CCDC27: variants seen among roughly 807,000 people sequenced by gnomAD.
CCDC27 encodes coiled-coil domain containing 27, also known as coiled-coil domain-containing protein 27.
CCDC27 carries 80 observed loss-of-function variants against 80.3 expected under a neutral mutation model. The observed-to-expected ratio is 1.00, with a 90% confidence interval of 0.83 to 1.20. The LOEUF (loss-of-function observed/expected upper bound fraction) is 1.20, where lower values mean the gene tolerates loss of function less well. Ranked by LOEUF, CCDC27 falls within the 50% of genes most tolerant of loss-of-function variation. The pLI is 0.00. For synonymous variants in CCDC27, 342 were observed against 334.3 expected (o/e 1.02, Z -0.25); for missense variants, 815 against 809.4 (o/e 1.01, Z -0.08).
At chr1:3,753,999 C>T in intron 1 of CCDC27, 119 bp from the exon 2 acceptor site, 2 of 1,454,198 alleles carry the variant, frequency 1.4e-6, no homozygotes, top group Non-Finnish European at 1.9e-6. Context: ...ACATACGACT[C>T]ATAGGCACCT....
rs1378592255 is a variant in CCDC27, at chr1:3,763,429, C to T, written c.1276C>T (p.Gln426Ter). ...GTACGAGCAGGTCATCCTGGACTTC[C>T]AGTTCAACCTGGAGGCCACCAGGAC... Reference protein sequence around the residue: ...EEYEQVILDFQFNLEATRTRY... With the variant: ...EEYEQVILDF Residue 426 changes from glutamine to a stop codon, truncating the protein, a stop_gained, in exon 7 of 12, where the codon CAG becomes TAG. Transcript: ENST00000294600. LOFTEE classifies it high-confidence loss of function. The surrounding 1 kb of genome is among the most constrained non-coding windows in gnomAD (Gnocchi z 7.5). 20 of 1,611,396 alleles carry T rather than the reference C, an allele frequency of 1.2e-5. No homozygotes were observed. The highest frequency in any genetic ancestry group is 1.7e-5 in the Non-Finnish European group (20 of 1,179,332).
chr1:3,763,294 G>T lies in CCDC27; in HGVS notation c.1141G>T (p.Asp381Tyr), dbSNP rs1362213589. ...GGAGGAAGAGGAGGAAGGGGACAGG[G>T]ATGAGGACTCAGAGGAAAGGGAGCT... The part of the protein sequence containing the change: ...EEEEEEEGDR[D>Y]EDSEERELPE... Residue 381 changes from aspartate (D) to tyrosine (Y), a missense_variant, in exon 7 of 12, where the codon GAT becomes TAT. Transcript: ENST00000294600. This position sits in a 1 kb window ranked among gnomAD's most constrained non-coding sequence, Gnocchi z 7.5. The T allele has an allele frequency of 1.2e-6, 2 of 1,602,846 alleles. No homozygotes were observed. Among genetic ancestry groups the T allele is most frequent in the Non-Finnish European group, 1.7e-6 (2 of 1,174,362 alleles).
chr1:3,763,921 G>A lies in CCDC27; in HGVS notation c.1452+85G>A, dbSNP rs1467621157. On this transcript the variant is annotated intron_variant, in intron 8 of 11. Coordinates refer to ENST00000294600, the MANE Select transcript of CCDC27 (RefSeq NM_152492.3). This position sits in a 1 kb window ranked among gnomAD's most constrained non-coding sequence, Gnocchi z 7.5. ...CCCCCGGCAGCTCGGGGCAGGCGCTGCCCGTCCCATCTACTGATGGAGACT... is the reference window on the plus strand; with the variant it reads ...CCCCCGGCAGCTCGGGGCAGGCGCTACCCGTCCCATCTACTGATGGAGACT... The A allele has an allele frequency of 9.1e-6, 14 of 1,531,270 alleles. No homozygotes were observed. The highest frequency in any genetic ancestry group is 1.4e-5 in the African/African-American group (1 of 72,764). The allele number at this position is 1,531,270 out of a possible 1,614,324, so 94.9% of individuals were successfully genotyped here. A position where few individuals can be genotyped will look rare whatever the true frequency, so the allele number is the denominator to read the frequency against.
chr1:3,755,943 T>G (rs1642941936), intron 3 of CCDC27: 1 of 218,568 alleles, frequency 4.6e-6, no homozygotes, highest in African/African-American at 2.2e-5. Flanking sequence ...CCCAGCACCA[T>G]GTCTCCTTTC....
At chr1:3,753,289 C>G (rs1172069909) in intron 1 of CCDC27, among the ~76,000 whole-genome samples, 2 of 151,532 alleles carry the variant, frequency 1.3e-5, no homozygotes, top group Admixed American at 1.3e-4. Flanking sequence ...TTGCCTGGAC[C>G]TAGTGGACTA....
chr1:3,752,463 T>C lies in CCDC27; in HGVS notation c.-19T>C, dbSNP rs1160029068. The C allele has an allele frequency of 6.2e-7, 1 of 1,611,708 alleles. No individual in the cohort carries two copies. Among genetic ancestry groups the C allele is most frequent in the Admixed American group, 1.7e-5 (1 of 59,984 alleles). On this transcript the variant is annotated 5_prime_UTR_variant, in exon 1 of 12. Transcript: ENST00000294600. ...GCTCTGGAAGCTGATCTCCTCCCACTGCACCAGCCAGCAGGTTCATGTTCG... is the reference window on the plus strand; with the variant it reads ...GCTCTGGAAGCTGATCTCCTCCCACCGCACCAGCCAGCAGGTTCATGTTCG...
Position 3,757,514 on chromosome 1 carries a change from C to T in CCDC27, c.711+624C>T, listed in dbSNP as rs1642986416. 2.0e-5 allele frequency among the ~76,000 whole-genome samples: 3 copies of T among 151,902 alleles called. No individual in the cohort carries two copies. The South Asian group carries it at 6.2e-4, about 32-fold the overall frequency. The stretch of plus-strand genomic sequence containing the variant: ...GGAGTGTGGTGGTGTGATCCCAGCT[C>T]ACTGAAGCCTTGAGCTCCCTGAGCT... On this transcript the variant is annotated intron_variant, in intron 4 of 11. Coordinates refer to ENST00000294600, the MANE Select transcript of CCDC27 (RefSeq NM_152492.3).
At chr1:3,764,353 C>T (rs982529877) in intron 8 of CCDC27, among the ~76,000 whole-genome samples, 3 of 152,208 alleles carry the variant, frequency 2.0e-5, no homozygotes, top group African/African-American at 7.2e-5. Context: ...TCTCCTAAGG[C>T]ATCATTTTAA....
Position 3,756,937 on chromosome 1 carries a change from GCGTC to G in CCDC27, c.711+50_711+53del, listed in dbSNP as rs757930192. On this transcript the variant is annotated intron_variant, in intron 4 of 11. Coordinates refer to ENST00000294600, the MANE Select transcript of CCDC27 (RefSeq NM_152492.3). ...ATCCCGGCCCCCCACCCCTCTCTCT[GCGTC>G]CGGCTGGGAGGACAGCCCTGCTCCC... The G allele has an allele frequency of 9.5e-6, 15 of 1,575,404 alleles. No homozygotes were observed. The African/African-American group carries it at 2.0e-4, about 21-fold the overall frequency.
Position 3,763,500 on chromosome 1 carries a change from G to T in CCDC27, c.1321+26G>T. ...GTAGGGCCTCGGCGGGGGGCACTGG[G>T]CTTTGGCCACTCAGTGGTTCCCGGC... On this transcript the variant is annotated intron_variant, in intron 7 of 11. Coordinates refer to ENST00000294600, the MANE Select transcript of CCDC27 (RefSeq NM_152492.3). This position sits in a 1 kb window ranked among gnomAD's most constrained non-coding sequence, Gnocchi z 7.5. 4.5e-6 allele frequency: 7 copies of T among 1,566,070 alleles called. No homozygotes were observed. Among genetic ancestry groups the T allele is most frequent in the African/African-American group, 1.4e-5 (1 of 73,890 alleles).
Position 3,760,407 on chromosome 1 carries a change from A to G in CCDC27, c.712-874A>G, listed in dbSNP as rs981824174. The stretch of plus-strand genomic sequence containing the variant: ...CACCTATCTTTATTCCTTTTCTTCT[A>G]CTTTCTGCGGGATTAATTTTAGTTC... On this transcript the variant is annotated intron_variant, in intron 4 of 11. Transcript: ENST00000294600. This position sits in a 1 kb window ranked among gnomAD's most constrained non-coding sequence, Gnocchi z 4.3. Among the ~76,000 whole-genome samples, 7 of 151,338 alleles carry G rather than the reference A, an allele frequency of 4.6e-5. No homozygotes were observed. The highest frequency in any genetic ancestry group is 1.3e-4 in the Admixed American group (2 of 15,186).
chr1:3,763,992 A>G lies in CCDC27; in HGVS notation c.1452+156A>G, dbSNP rs1264239956. Among the ~76,000 whole-genome samples the G allele has an allele frequency of 6.6e-6, 1 of 152,184 alleles. No individual in the cohort carries two copies. The highest frequency in any genetic ancestry group is 1.5e-5 in the Non-Finnish European group (1 of 68,026). ...CAGCTGGCCCAGGGTTGTGCGGCTG[A>G]TAGCGGCCCCGCTAGGATTCCCCAA... On this transcript the variant is annotated intron_variant, in intron 8 of 11. Transcript: ENST00000294600. This position sits in a 1 kb window ranked among gnomAD's most constrained non-coding sequence, Gnocchi z 7.5.
chr1:3,755,832 A>C, intron 3 of CCDC27: 1 of 440,654 alleles, frequency 2.3e-6, no homozygotes, highest in Non-Finnish European at 4.2e-6. Flanking sequence ...CTTGGCCTTT[A>C]CCCAGTGGCT....
chr1:3,759,357 G>A (rs1434093399), intron 4 of CCDC27, among the ~76,000 whole-genome samples: 1 of 152,210 alleles, frequency 6.6e-6, no homozygotes, highest in Non-Finnish European at 1.5e-5. Flanking sequence ...GCCTAAGGCT[G>A]TAAGTGGTAC....
At position 3,755,363 on chromosome 1, in the gene CCDC27, A is replaced by T. The variant is rs533839826; in HGVS notation, c.443-94A>T. 2.8e-6 allele frequency: 3 copies of T among 1,061,700 alleles called. No homozygotes were observed. The South Asian group carries it at 3.8e-5, about 14-fold the overall frequency. 65.8% of individuals were successfully genotyped at this position (1,061,700 alleles called of 1,614,324 possible). On this transcript the variant is annotated intron_variant, in intron 2 of 11. Coordinates refer to ENST00000294600, the MANE Select transcript of CCDC27 (RefSeq NM_152492.3). Reference sequence around the variant, plus strand: ...ATTAAAAAAAGCCACCTGTGTCCCTACCTGGTGTTTAAGGATAAATAAGAG... The same window carrying T: ...ATTAAAAAAAGCCACCTGTGTCCCTTCCTGGTGTTTAAGGATAAATAAGAG...
chr1:3,757,130 A>G (rs555899971), intron 4 of CCDC27: 33 of 409,740 alleles, frequency 8.1e-5, no homozygotes, highest in Non-Finnish European at 1.2e-4. Context: ...ACCGGCACGC[A>G]TGACTTCCAA....
At chr1:3,767,561 C>T (rs1055523499) in intron 10 of CCDC27, 116 bp downstream of exon 10, 58 of 836,706 alleles carry the variant, frequency 6.9e-5, no homozygotes, top group Non-Finnish European at 1.0e-4. Flanking sequence ...GGGGCTCGGG[C>T]TGGTTCTGCC....
intron 8 of CCDC27, among the ~76,000 whole-genome samples, chr1:3,765,612 C>T (rs1373164987): frequency 6.6e-6 from 1 of 152,028 alleles, no homozygotes; most frequent in Non-Finnish European, 1.5e-5. Context: ...TTTTTTGAAG[C>T]GCACTCTTGT....
At chr1:3,759,932 G>A (rs1643048016) in intron 4 of CCDC27, among the ~76,000 whole-genome samples, 1 of 152,166 alleles carries the variant, frequency 6.6e-6, no homozygotes, top group Admixed American at 6.5e-5. Context: ...CCAAGGGAAG[G>A]GCTGCAGGCT....
Sources: gnomAD v4.1 joint callset for allele counts (sites outside exome capture counted in the v4.1 genomes callset) on GRCh38, gnomAD v4.1.1 for gene constraint, Gnocchi (gnomAD v3.1) non-coding constraint, MANE v1.5 for transcripts, NCBI Gene and HGNC (gene_info 2026-07-23, HGNC 2026-07-21) for gene names.